NUDCD3: variants seen among roughly 807,000 people sequenced by gnomAD.
NUDCD3 encodes NudC domain containing 3.
In NUDCD3, 13 loss-of-function variants were observed where a neutral mutation model predicts 39.7. The observed-to-expected ratio is 0.33, with a 90% CI of 0.21 to 0.52. The LOEUF (loss-of-function observed/expected upper bound fraction) is 0.52, where lower values mean the gene tolerates loss of function less well. Among genes scored for constraint, NUDCD3 ranks in the 20% least tolerant of loss-of-function variants. NUDCD3 has a pLI of 0.96. For missense variants in NUDCD3, 453 were observed against 458.1 expected, an observed-to-expected ratio of 0.99 and a Z score of 0.10; for synonymous variants, 175 against 172.4, an observed-to-expected ratio of 1.02 and a Z score of -0.12.
chr7:44,468,442 A>AG, intron 2 of NUDCD3: 1 of 670,638 alleles, frequency 1.5e-6, no homozygotes. Context: ...TCAGTGTCAG[A>AG]GCTAGCAACT....
chr7:44,453,356 AAAATAAAT>A (rs558104012), intron 2 of NUDCD3, among the ~76,000 whole-genome samples: 17 of 151,838 alleles, frequency 1.1e-4, no homozygotes, highest in South Asian at 6.2e-4. Context: ...TCATCTCAAA[AAAATAAAT>A]AAATAAATAA....
chr7:44,417,085 A>G (rs1247198325), intron 3 of NUDCD3, among the ~76,000 whole-genome samples: 2 of 152,176 alleles, frequency 1.3e-5, no homozygotes, highest in African/African-American at 4.8e-5. Context: ...ACTGGGATAT[A>G]AGCTCCAAAC....
At chr7:44,427,761 G>T in intron 2 of NUDCD3, 58 bp from the exon 3 acceptor site, 12 of 1,582,090 alleles carry the variant, frequency 7.6e-6, no homozygotes, top group Non-Finnish European at 1.0e-5. Flanking sequence ...AGGACCCCAT[G>T]GGCAGCCTAG....
intron 5 of NUDCD3, among the ~76,000 whole-genome samples, chr7:44,391,651 T>C (rs1175810180): frequency 2.0e-5 from 3 of 152,230 alleles, no homozygotes; most frequent in African/African-American, 7.2e-5. Flanking sequence ...GCTGGGTATA[T>C]GGGACACGGG....
intron 4 of NUDCD3, among the ~76,000 whole-genome samples, chr7:44,396,238 T>C (rs1437741729): frequency 1.3e-5 from 2 of 152,100 alleles, no homozygotes; most frequent in African/African-American, 4.8e-5. Context: ...CAAGTTTCCA[T>C]CTGTCATCAC....
rs1289928263 is a variant in NUDCD3 at position 44,484,906 on chromosome 7, G to A, written c.509+62C>T. ...TGTTACAAAGTAAGAATAAATTATG[G>A]AGAAACCCAAACACCAGATGTTACG... On this transcript the variant is annotated intron_variant, in intron 2 of 5. Coordinates refer to ENST00000355451, the MANE Select transcript of NUDCD3 (RefSeq NM_015332.4). 3.2e-6 allele frequency: 4 copies of A among 1,251,762 alleles called. No individual in the cohort carries two copies. In the African/African-American group the frequency reaches 4.5e-5, roughly 14 times the overall value. 77.5% of individuals were successfully genotyped at this position (1,251,762 alleles called of 1,614,324 possible).
chr7:44,475,106 T>A (rs1460563456), intron 2 of NUDCD3, among the ~76,000 whole-genome samples: 2 of 150,612 alleles, frequency 1.3e-5, no homozygotes, highest in Non-Finnish European at 3.0e-5. Flanking sequence ...CATCACAAAT[T>A]CATTTCTTTT....
At chr7:44,453,670 C>G (rs1799837271) in intron 2 of NUDCD3, among the ~76,000 whole-genome samples, 1 of 152,188 alleles carries the variant, frequency 6.6e-6, no homozygotes, top group South Asian at 2.1e-4. Context: ...ACACAGTAAG[C>G]TGCAGGAAAG....
At chr7:44,442,199 TATC>T (rs1799598520) in intron 2 of NUDCD3, among the ~76,000 whole-genome samples, 1 of 152,206 alleles carries the variant, frequency 6.6e-6, no homozygotes, top group Non-Finnish European at 1.5e-5. Flanking sequence ...ATAATATTGT[TATC>T]ATCAAAGAGG....
intron 2 of NUDCD3, among the ~76,000 whole-genome samples, chr7:44,483,836 C>T (rs1251490593): frequency 1.3e-5 from 2 of 152,136 alleles, no homozygotes; most frequent in African/African-American, 2.4e-5. Flanking sequence ...TAGTGGCAGA[C>T]ATCTCTACAA....
chr7:44,380,724 T>G lies in NUDCD3; in HGVS notation c.*5287A>C, dbSNP rs1798291854. ...AGGGACCACCACTGGGGTCACAAGA[T>G]GGCCTTGATCCCCAGTTATCTGGAT... On this transcript the variant is annotated 3_prime_UTR_variant, in exon 6 of 6. Coordinates refer to ENST00000355451, the MANE Select transcript of NUDCD3 (RefSeq NM_015332.4). The G allele has an allele frequency of 6.6e-6, 1 of 152,280 alleles. No homozygotes were observed. Among genetic ancestry groups the G allele is most frequent in the Non-Finnish European group, 1.5e-5 (1 of 68,068 alleles). 9.4% of individuals were successfully genotyped at this position (152,280 alleles called of 1,614,324 possible).
intron 3 of NUDCD3, among the ~76,000 whole-genome samples, 200 bp downstream of exon 3, chr7:44,427,371 G>A (rs950948824): frequency 6.6e-6 from 1 of 152,188 alleles, no homozygotes; most frequent in Non-Finnish European, 1.5e-5. Flanking sequence ...GGTTTCTGCA[G>A]AAGAGCTGGG....
intron 3 of NUDCD3, among the ~76,000 whole-genome samples, chr7:44,405,155 C>A (rs1798795246): frequency 6.6e-6 from 1 of 152,176 alleles, no homozygotes; most frequent in Non-Finnish European, 1.5e-5. Flanking sequence ...TTTTGGAAGG[C>A]AGCTATGCTC....
Position 44,482,247 on chromosome 7 carries a change from T to C in NUDCD3, c.509+2721A>G, listed in dbSNP as rs549344151. Among the ~76,000 whole-genome samples, 12 of 152,254 alleles carry C rather than the reference T, an allele frequency of 7.9e-5. No homozygotes were observed. The South Asian group carries it at 1.0e-3, about 13-fold the overall frequency. ...GTAAAGTGCAACTCCATGAGACAAG[T>C]AGGAAACCTGGGTAACTGACATGGA... On this transcript the variant is annotated intron_variant, in intron 2 of 5. Transcript: ENST00000355451.
chr7:44,412,645 G>C (rs565557151), intron 3 of NUDCD3, among the ~76,000 whole-genome samples: 3 of 152,156 alleles, frequency 2.0e-5, no homozygotes, highest in Admixed American at 6.5e-5. Flanking sequence ...ACCATTGGCA[G>C]GGCCGGGCGC....
chr7:44,488,867 T>G (rs908924929), intron 1 of NUDCD3, among the ~76,000 whole-genome samples: 14 of 152,208 alleles, frequency 9.2e-5, no homozygotes, highest in African/African-American at 3.1e-4. Context: ...GAGTGCTCTG[T>G]CAGTTCATCT....
intron 2 of NUDCD3, among the ~76,000 whole-genome samples, chr7:44,452,819 T>C (rs1017507281): frequency 2.0e-5 from 3 of 152,230 alleles, no homozygotes; most frequent in East Asian, 1.9e-4. Flanking sequence ...ACACAAAAGG[T>C]TGATATCACT....
chr7:44,387,220 G>A (rs1441271282), intron 5 of NUDCD3, among the ~76,000 whole-genome samples: 1 of 152,126 alleles, frequency 6.6e-6, no homozygotes, highest in Non-Finnish European at 1.5e-5. Flanking sequence ...ACAGTGCAGT[G>A]TGTGGTCATA....
rs188568248 is a variant in NUDCD3, at chr7:44,467,866, C to T, written c.509+17102G>A. The T allele has an allele frequency of 9.4e-4, 1,405 of 1,496,904 alleles. 13 individuals carry two copies. Among genetic ancestry groups the T allele is most frequent in the African/African-American group, 8.3e-3 (602 of 72,760 alleles). 92.7% of individuals were successfully genotyped at this position (1,496,904 alleles called of 1,614,324 possible). A position where few individuals can be genotyped will look rare whatever the true frequency, so the allele number is the denominator to read the frequency against. ...AGGCTCTCTTCCTCGGCGCTGCCTACGGAGGTGGCAGCCATCTCCTCCTCG... is the reference window on the plus strand; with the variant it reads ...AGGCTCTCTTCCTCGGCGCTGCCTATGGAGGTGGCAGCCATCTCCTCCTCG... On this transcript the variant is annotated intron_variant, in intron 2 of 5. Coordinates refer to ENST00000355451, the MANE Select transcript of NUDCD3 (RefSeq NM_015332.4).
Sources: allele counts gnomAD v4.1 joint callset (sites outside exome capture counted in the v4.1 genomes callset), GRCh38; gene constraint gnomAD v4.1.1; transcripts MANE v1.5; gene names NCBI Gene and HGNC (gene_info 2026-07-23, HGNC 2026-07-21).